TMTC2: variants seen among roughly 807,000 people sequenced by gnomAD.
TMTC2 encodes the protein protein O-mannosyl-transferase TMTC2.
Under a neutral mutation model 82.4 loss-of-function variants are expected in TMTC2, and 43 were observed. The observed-to-expected ratio is 0.52, with a 90% CI of 0.41 to 0.67. The LOEUF is 0.67. TMTC2 is among the 30% of genes least tolerant of loss of function. TMTC2 has a pLI of 0.00. For missense variants in TMTC2, 919 were observed against 1,012.4 expected (o/e 0.91, Z 1.25); for synonymous variants, 408 against 381.9 (o/e 1.07, Z -0.80).
chr12:82,951,572 C>T (rs1877348457), intron 4 of TMTC2, among the ~76,000 whole-genome samples: 1 of 152,182 alleles, frequency 6.6e-6, no homozygotes. Context: ...CCTCCCGCCT[C>T]GGCCTCCCAA....
intron 11 of TMTC2, among the ~76,000 whole-genome samples, chr12:83,085,088 T>C (rs1486864774): frequency 6.6e-6 from 1 of 152,214 alleles, no homozygotes; most frequent in Non-Finnish European, 1.5e-5. Context: ...AATGGGGTCA[T>C]TGAACCCTCT....
intron 2 of TMTC2, among the ~76,000 whole-genome samples, chr12:82,882,246 G>A (rs1168221940): frequency 2.6e-5 from 4 of 151,752 alleles, no homozygotes; most frequent in Non-Finnish European, 5.9e-5. Flanking sequence ...TGATCCGCCC[G>A]CCTCGGCCTC....
chr12:82,731,567 C>T (rs568196041), intron 1 of TMTC2, among the ~76,000 whole-genome samples: 4 of 151,988 alleles, frequency 2.6e-5, no homozygotes, highest in South Asian at 4.2e-4. Flanking sequence ...ATCAGAAAGC[C>T]GACATAGAAA....
At chr12:82,909,483 G>T (rs1874504230) in intron 3 of TMTC2, among the ~76,000 whole-genome samples, 1 of 152,040 alleles carries the variant, frequency 6.6e-6, no homozygotes, top group South Asian at 2.1e-4. Context: ...GGGATTACAG[G>T]CACGTGCCAC....
At chr12:82,925,187 T>G (rs955928071) in intron 3 of TMTC2, among the ~76,000 whole-genome samples, 1 of 152,190 alleles carries the variant, frequency 6.6e-6, no homozygotes, top group Non-Finnish European at 1.5e-5. Flanking sequence ...CATGTTACTT[T>G]ATTTTACATT....
At chr12:82,975,851 A>G (rs2137320224) in intron 7 of TMTC2, among the ~76,000 whole-genome samples, 1 of 151,934 alleles carries the variant, frequency 6.6e-6, no homozygotes, top group African/African-American at 2.4e-5. Context: ...AGGCTAGTAC[A>G]GTATTCATGC....
At chr12:82,881,352 G>A (rs767620708) in intron 2 of TMTC2, among the ~76,000 whole-genome samples, 52 of 152,180 alleles carry the variant, frequency 3.4e-4, no homozygotes, top group Middle Eastern at 6.8e-3. Context: ...TTAACTTTCC[G>A]ACATCGTAAT....
At chr12:82,691,994 TAAAC>T (rs746217313) in intron 1 of TMTC2, among the ~76,000 whole-genome samples, 5 of 152,246 alleles carry the variant, frequency 3.3e-5, no homozygotes, top group Non-Finnish European at 5.9e-5. Context: ...TTTGATTGTT[TAAAC>T]AAACCTATTT....
intron 1 of TMTC2, among the ~76,000 whole-genome samples, chr12:82,690,592 G>A (rs76366392): frequency 1.3e-5 from 2 of 152,130 alleles, no homozygotes; most frequent in Non-Finnish European, 2.9e-5. Context: ...TATTTTACAA[G>A]TGTTTCTGTG....
intron 2 of TMTC2, among the ~76,000 whole-genome samples, chr12:82,877,382 A>G (rs139700420): frequency 1.2e-3 from 181 of 152,314 alleles, no homozygotes; most frequent in African/African-American, 3.9e-3. Flanking sequence ...TGTCTCTCAT[A>G]TCAGTAACCC....
At chr12:82,882,190 G>A (rs1245793110) in intron 2 of TMTC2, among the ~76,000 whole-genome samples, 2 of 150,984 alleles carry the variant, frequency 1.3e-5, no homozygotes, top group African/African-American at 4.9e-5. Flanking sequence ...TAGTAGAGAC[G>A]GGGTTTCACC....
chr12:82,794,202 A>G (rs1267518660), intron 1 of TMTC2, among the ~76,000 whole-genome samples: 1 of 152,128 alleles, frequency 6.6e-6, no homozygotes, highest in Non-Finnish European at 1.5e-5. Flanking sequence ...CAATTTGTTC[A>G]GCTAGTGTTG....
chr12:82,985,502 G>A (rs1203643771), intron 7 of TMTC2, among the ~76,000 whole-genome samples: 1 of 151,968 alleles, frequency 6.6e-6, no homozygotes, highest in Admixed American at 6.6e-5. Context: ...TTTTCTTATA[G>A]TTCCTTTATA....
chr12:82,798,802 C>T (rs1233791819), intron 1 of TMTC2, among the ~76,000 whole-genome samples: 1 of 79,732 alleles, frequency 1.3e-5, no homozygotes, highest in East Asian at 3.9e-4. Flanking sequence ...AGGGTAACTC[C>T]GTCTCAAAAA....
intron 1 of TMTC2, among the ~76,000 whole-genome samples, chr12:82,853,993 A>T (rs1330073329): frequency 6.6e-6 from 1 of 151,836 alleles, no homozygotes; most frequent in Non-Finnish European, 1.5e-5. Context: ...AGTCTTAAGC[A>T]ATTACTTCTG....
chr12:83,001,116 C>A (rs529308133), intron 8 of TMTC2, among the ~76,000 whole-genome samples: 67 of 152,284 alleles, frequency 4.4e-4, no homozygotes, highest in African/African-American at 1.5e-3. Flanking sequence ...CTCTGACACG[C>A]CCTGAAGACA....
Position 82,985,930 on chromosome 12 carries a change from G to A in TMTC2, c.1954G>A (p.Ala652Thr). 1 of 1,613,426 alleles carries A rather than the reference G, an allele frequency of 6.2e-7. No homozygotes were observed. The highest frequency in any genetic ancestry group is 8.5e-7 in the Non-Finnish European group (1 of 1,179,578). ...PQSLYNMMGE[A>T]YMRLSKLPEA... is the part of the protein sequence containing the mutation. The stretch of plus-strand genomic sequence containing the variant: ...ATGATTAATTCTCTTTCCAGGTGAA[G>A]CATATATGCGTTTAAGCAAACTCCC... The change falls in exon 8 of 12, where the codon GCA (alanine) becomes ACA (threonine). Residue 652 changes from alanine (A) to threonine (T), a missense_variant. Ala to Thr is a moderately conservative substitution (Grantham distance 58). Coordinates refer to ENST00000321196, the MANE Select transcript of TMTC2 (RefSeq NM_152588.3).
chr12:83,102,379 G>A (rs1337913569), intron 11 of TMTC2, among the ~76,000 whole-genome samples: 3 of 152,144 alleles, frequency 2.0e-5, no homozygotes, highest in Non-Finnish European at 4.4e-5. Flanking sequence ...GATAGTCAAA[G>A]GAAGGCAAAT....
intron 4 of TMTC2, among the ~76,000 whole-genome samples, chr12:82,959,597 A>G (rs914578894): frequency 2.0e-5 from 3 of 152,074 alleles, no homozygotes; most frequent in African/African-American, 7.2e-5. Flanking sequence ...TCAGTAAATA[A>G]TGCTGGGATA....
Sources: allele counts gnomAD v4.1 joint callset (sites outside exome capture counted in the v4.1 genomes callset), GRCh38; gene constraint gnomAD v4.1.1; transcripts MANE v1.5; gene names NCBI Gene and HGNC (gene_info 2026-07-23, HGNC 2026-07-21).